PCDH11X: variants seen among roughly 807,000 people sequenced by gnomAD.
The protein encoded by PCDH11X is protocadherin-11 X-linked.
In PCDH11X, 18 loss-of-function variants were observed where a neutral mutation model predicts 53.3. The ratio of observed to expected loss-of-function variants is 0.34; its 90% CI spans 0.23 to 0.50. The LOEUF (loss-of-function observed/expected upper bound fraction) is 0.50, where lower values mean the gene tolerates loss of function less well. Ranked by LOEUF, PCDH11X falls within the 20% of genes least tolerant of loss-of-function variation. PCDH11X has a pLI of 0.98. For synonymous variants in PCDH11X, 279 were observed against 393.3 expected (o/e 0.71, Z 3.44); for missense variants, 570 against 1,032.4 (o/e 0.55, Z 6.14).
At chrX:92,172,323 T>A (rs1396636667) in intron 6 of PCDH11X, among the ~76,000 whole-genome samples, 1 of 107,747 alleles carries the variant, frequency 9.3e-6, no homozygotes, top group East Asian at 2.9e-4. Flanking sequence ...ATTCCTTGTT[T>A]GTTTATTGAT....
intron 8 of PCDH11X, among the ~76,000 whole-genome samples, chrX:92,300,531 G>T (rs1473771348): frequency 1.8e-5 from 2 of 111,208 alleles, no homozygotes; most frequent in Non-Finnish European, 3.8e-5. Flanking sequence ...GGGCTGGAAT[G>T]CAATGACACG....
rs1212833300 is a variant in PCDH11X, at chrX:91,835,951, A to G, written c.447A>G (p.Pro149=). The change falls in exon 5 of 11, where the codon CCA becomes CCG. Residue 149 remains proline (P), a synonymous_variant. Coordinates refer to ENST00000682573, the MANE Select transcript of PCDH11X (RefSeq NM_032968.5). ...CAACAGTTATCAACATATCAATTCC[A>G]GAGAACTCGGCTATAAACTCTAAAT... ...FPATVINISI[P]ENSAINSKYT... The G allele has an allele frequency of 1.7e-6, 2 of 1,207,779 alleles. No homozygotes were observed. Among genetic ancestry groups the G allele is most frequent in the African/African-American group, 3.5e-5 (2 of 56,498 alleles).
At chrX:91,921,770 T>A (rs1941747946) in intron 6 of PCDH11X, among the ~76,000 whole-genome samples, 1 of 108,644 alleles carries the variant, frequency 9.2e-6, no homozygotes, top group Admixed American at 9.8e-5. Context: ...GCTATAAATA[T>A]CTGCTTGCTG....
At chrX:91,951,034 CA>C (rs951099102) in intron 6 of PCDH11X, among the ~76,000 whole-genome samples, 4 of 111,334 alleles carry the variant, frequency 3.6e-5, no homozygotes, top group African/African-American at 1.3e-4. Flanking sequence ...TTTTCAACTA[CA>C]GGCATTTATG....
chrX:92,276,681 G>T (rs2068100449), intron 8 of PCDH11X, among the ~76,000 whole-genome samples: 1 of 111,870 alleles, frequency 8.9e-6, no homozygotes, highest in Admixed American at 9.5e-5. Context: ...TGAAGGTGAG[G>T]TTAATCAAGT....
intron 10 of PCDH11X, among the ~76,000 whole-genome samples, chrX:92,514,158 T>C (rs2074213444): frequency 9.1e-6 from 1 of 110,086 alleles, no homozygotes. Flanking sequence ...GCAATTCTTC[T>C]ATAAACATTC....
chrX:92,022,918 C>G (rs2062908961), intron 6 of PCDH11X, among the ~76,000 whole-genome samples: 1 of 109,555 alleles, frequency 9.1e-6, no homozygotes, highest in Non-Finnish European at 1.9e-5. Flanking sequence ...TGAATGACTC[C>G]TGGGAAAATA....
chrX:92,301,411 C>T (rs2068718883), intron 8 of PCDH11X, among the ~76,000 whole-genome samples: 1 of 106,970 alleles, frequency 9.3e-6, no homozygotes, highest in Non-Finnish European at 1.9e-5. Context: ...GGGGAATGGG[C>T]GTCCCTGGCA....
chrX:91,889,552 A>G (rs1383930287), intron 6 of PCDH11X, among the ~76,000 whole-genome samples: 1 of 112,224 alleles, frequency 8.9e-6, no homozygotes, highest in Admixed American at 9.4e-5. Flanking sequence ...ACCTCAGGTG[A>G]TCCACCCGCC....
At chrX:92,436,308 A>T (rs1236938795) in intron 9 of PCDH11X, among the ~76,000 whole-genome samples, 2 of 110,795 alleles carry the variant, frequency 1.8e-5, no homozygotes, top group Non-Finnish European at 3.8e-5. Flanking sequence ...GGCTTTTATT[A>T]AAAAGTCAAA....
At chrX:91,821,436 T>C (rs1312562787) in intron 4 of PCDH11X, among the ~76,000 whole-genome samples, 1 of 111,143 alleles carries the variant, frequency 9.0e-6, no homozygotes, top group Non-Finnish European at 1.9e-5. Flanking sequence ...TGTGAAGCAA[T>C]TGTGAATGGG....
chrX:91,917,543 G>T (rs1452557756), intron 6 of PCDH11X, among the ~76,000 whole-genome samples: 1 of 14,153 alleles, frequency 7.1e-5, no homozygotes, highest in African/African-American at 3.0e-4. Context: ...AACAAATCAA[G>T]AACTCAATCT....
chrX:92,451,095 A>G (rs1013640307), intron 9 of PCDH11X, among the ~76,000 whole-genome samples: 2 of 109,802 alleles, frequency 1.8e-5, no homozygotes, highest in Non-Finnish European at 3.8e-5. Context: ...TTCACAACTT[A>G]CCATTGTATT....
intron 8 of PCDH11X, among the ~76,000 whole-genome samples, chrX:92,332,720 ACAG>A (rs112550030): frequency 3.7e-5 from 4 of 109,301 alleles, no homozygotes; most frequent in Non-Finnish European, 7.6e-5. Context: ...AGTTACTAAA[ACAG>A]CAGCAGCAGC....
chrX:92,026,953 C>T (rs1217020460), intron 6 of PCDH11X, among the ~76,000 whole-genome samples: 1 of 93,748 alleles, frequency 1.1e-5, no homozygotes, highest in African/African-American at 3.9e-5. Flanking sequence ...ATCTTTTGCC[C>T]TGTCTTCTTT....
intron 6 of PCDH11X, among the ~76,000 whole-genome samples, chrX:92,009,384 T>G (rs1410696808): frequency 9.0e-6 from 1 of 111,255 alleles, no homozygotes; most frequent in East Asian, 2.8e-4. Context: ...AATATATTAA[T>G]CAGCAACAAA....
intron 7 of PCDH11X, among the ~76,000 whole-genome samples, chrX:92,237,550 C>T (rs1471965949): frequency 9.0e-6 from 1 of 111,231 alleles, no homozygotes; most frequent in Non-Finnish European, 1.9e-5. Context: ...AAAGATAGTT[C>T]TCATTGTTTA....
intron 6 of PCDH11X, among the ~76,000 whole-genome samples, chrX:91,990,225 G>A (rs1195416493): frequency 2.7e-5 from 3 of 109,538 alleles, no homozygotes; most frequent in African/African-American, 1.0e-4. Flanking sequence ...ACATCTATAG[G>A]TTGTATAATG....
chrX:92,228,257 G>A (rs904361729), intron 7 of PCDH11X, among the ~76,000 whole-genome samples: 1 of 111,702 alleles, frequency 9.0e-6, no homozygotes, highest in African/African-American at 3.2e-5. Flanking sequence ...ATGACTTAGT[G>A]ATCTGAAAGA....
Sources: gnomAD v4.1 joint callset for allele counts (sites outside exome capture counted in the v4.1 genomes callset) on GRCh38, gnomAD v4.1.1 for gene constraint, MANE v1.5 for transcripts, NCBI Gene and HGNC (gene_info 2026-07-23, HGNC 2026-07-21) for gene names.